Variants in TDRD3 observed in about 807,000 individuals in gnomAD.
The protein encoded by TDRD3 is tudor domain-containing protein 3.
Under a neutral mutation model 86.7 loss-of-function variants are expected in TDRD3, and 45 were observed. That is an observed-to-expected ratio of 0.52 (90% CI 0.41 to 0.67). The LOEUF (loss-of-function observed/expected upper bound fraction) is 0.67, where lower values mean the gene tolerates loss of function less well. Ranked by LOEUF, TDRD3 falls within the 30% of genes least tolerant of loss-of-function variation. The pLI is 0.00. For synonymous variants in TDRD3, 298 were observed against 301.7 expected (o/e 0.99, Z 0.13); for missense variants, 814 against 889.0 (o/e 0.92, Z 1.07).
upstream of TDRD3, chr13:60,397,209 G>A (rs1953938592): frequency 4.7e-6 from 2 of 428,490 alleles, no homozygotes; most frequent in Non-Finnish European, 8.0e-6. Context: ...GCACGCGGAA[G>A]CGCCGGCCGC....
At chr13:60,507,537 C>T (rs1956965309) in intron 8 of TDRD3, among the ~76,000 whole-genome samples, 2 of 152,200 alleles carry the variant, frequency 1.3e-5, no homozygotes, top group South Asian at 4.1e-4. Flanking sequence ...AAGAAACTCA[C>T]TCAGAATGGC....
At chr13:60,415,587 C>A (rs1422104562) in intron 1 of TDRD3, among the ~76,000 whole-genome samples, 3 of 152,082 alleles carry the variant, frequency 2.0e-5, no homozygotes, top group African/African-American at 7.2e-5. Context: ...CTCATTCACA[C>A]ACTTAAAGAA....
intron 12 of TDRD3, among the ~76,000 whole-genome samples, chr13:60,557,861 G>A (rs377275599): frequency 9.8e-6 from 1 of 102,302 alleles, no homozygotes; most frequent in South Asian, 3.8e-4. Context: ...GTCTCGCTCT[G>A]TCACCAGGCT....
chr13:60,445,998 T>C (rs745368111), intron 3 of TDRD3, among the ~76,000 whole-genome samples: 1 of 152,158 alleles, frequency 6.6e-6, no homozygotes, highest in African/African-American at 2.4e-5. Context: ...AAGATTTCCT[T>C]TGAATGTAGC....
chr13:60,476,425 A>G (rs889424167), intron 5 of TDRD3, among the ~76,000 whole-genome samples: 1 of 151,966 alleles, frequency 6.6e-6, no homozygotes, highest in East Asian at 1.9e-4. Flanking sequence ...CCCAGTACTC[A>G]TTGTTATATT....
intron 1 of TDRD3, among the ~76,000 whole-genome samples, chr13:60,402,034 C>T (rs947951273): frequency 6.6e-6 from 1 of 152,210 alleles, no homozygotes; most frequent in African/African-American, 2.4e-5. Context: ...TTGAAGATAG[C>T]TACTACAAAG....
chr13:60,532,722 C>G (rs1177986176), intron 11 of TDRD3, among the ~76,000 whole-genome samples: 1 of 152,184 alleles, frequency 6.6e-6, no homozygotes, highest in Non-Finnish European at 1.5e-5. Context: ...TTCCTGTAGA[C>G]TGCTAAACTA....
chr13:60,418,667 G>A (rs935384715), intron 1 of TDRD3, among the ~76,000 whole-genome samples: 33 of 152,278 alleles, frequency 2.2e-4, no homozygotes, highest in Admixed American at 1.6e-3. Flanking sequence ...AGTTGTGTAC[G>A]TTTAAGTAAC....
intron 10 of TDRD3, among the ~76,000 whole-genome samples, chr13:60,514,311 A>C (rs1474775158): frequency 1.3e-5 from 2 of 152,206 alleles, no homozygotes; most frequent in Non-Finnish European, 2.9e-5. Context: ...GTTGCTGTTA[A>C]AGGCATTCAG....
intron 2 of TDRD3, 105 bp from the exon 3 acceptor site, chr13:60,444,577 AT>A: frequency 3.2e-6 from 2 of 618,908 alleles, no homozygotes; most frequent in Non-Finnish European, 5.4e-6. Flanking sequence ...GTTAAACTGA[AT>A]TTTTGTTTCA....
chr13:60,562,813 TA>T (rs1357830963), intron 12 of TDRD3, among the ~76,000 whole-genome samples: 3 of 152,178 alleles, frequency 2.0e-5, no homozygotes, highest in Non-Finnish European at 4.4e-5. Flanking sequence ...TCTAAGTTTT[TA>T]TTTTTTTTTT....
chr13:60,516,233 A>G (rs892808025), intron 10 of TDRD3, among the ~76,000 whole-genome samples: 5 of 152,250 alleles, frequency 3.3e-5, no homozygotes, highest in Admixed American at 3.3e-4. Flanking sequence ...GTCAGAATTT[A>G]GCGCAGTAAG....
In TDRD3 at chr13:60,456,986, G is replaced by A. The variant is rs112281495; in HGVS notation, c.193-3394G>A. ...GCTGAGATTACAGGTGTGAGTCACC[G>A]CACCCAGCCTTAAGATGATTTTAGA... On this transcript the variant is annotated intron_variant, in intron 3 of 13. Coordinates refer to ENST00000377881, the MANE Select transcript of TDRD3 (RefSeq NM_001146070.2). Among the ~76,000 whole-genome samples the A allele has an allele frequency of 2.1e-3, 322 of 152,190 alleles. 1 individual carries two copies. The highest frequency in any genetic ancestry group is 0.017 in the Middle Eastern group (5 of 294).
chr13:60,483,835 C>G lies in TDRD3; in HGVS notation c.556C>G (p.Pro186Ala). Residue 186 changes from proline (P) to alanine (A), a missense_variant, in exon 6 of 14, where the codon CCT (proline) becomes GCT (alanine). Transcript: ENST00000377881. ...GTEGGPPPFV[P>A]FGQKCVSHVQ... ...TGAAGGTGGACCACCGCCTTTTGTG[C>G]CTTTTGGACAGGTAATGACTTTTGT... The G allele has an allele frequency of 1.9e-6, 3 of 1,612,704 alleles. No homozygotes were observed. The highest frequency in any genetic ancestry group is 2.5e-6 in the Non-Finnish European group (3 of 1,179,292).
chr13:60,543,851 T>A (rs1315075929), intron 12 of TDRD3, among the ~76,000 whole-genome samples: 1 of 152,030 alleles, frequency 6.6e-6, no homozygotes, highest in African/African-American at 2.4e-5. Context: ...TATAATTATA[T>A]ACAACTCACT....
intron 5 of TDRD3, among the ~76,000 whole-genome samples, chr13:60,477,366 C>A (rs1478529032): frequency 2.6e-5 from 4 of 151,872 alleles, no homozygotes; most frequent in African/African-American, 9.7e-5. Flanking sequence ...AGGTGCACAC[C>A]ACCAAGTCTG....
At chr13:60,419,094 A>C (rs1047740825) in intron 1 of TDRD3, among the ~76,000 whole-genome samples, 5 of 152,214 alleles carry the variant, frequency 3.3e-5, no homozygotes, top group Non-Finnish European at 5.9e-5. Context: ...GCCATAGGGC[A>C]CATTTTTGTT....
intron 1 of TDRD3, among the ~76,000 whole-genome samples, chr13:60,405,058 G>A (rs1401688184): frequency 6.6e-6 from 1 of 152,192 alleles, no homozygotes; most frequent in Admixed American, 6.5e-5. Context: ...GGCCTCCCCA[G>A]CCATGTGGAA....
intron 5 of TDRD3, among the ~76,000 whole-genome samples, chr13:60,471,554 T>C (rs1265893975): frequency 6.6e-6 from 1 of 151,140 alleles, no homozygotes; most frequent in Admixed American, 6.6e-5. Flanking sequence ...AAAAAAAAAA[T>C]CATTGGGGTT....
Sources: allele counts gnomAD v4.1 joint callset (sites outside exome capture counted in the v4.1 genomes callset), GRCh38; gene constraint gnomAD v4.1.1; transcripts MANE v1.5; gene names NCBI Gene and HGNC (gene_info 2026-07-23, HGNC 2026-07-21).